Variants in GALM observed in about 807,000 individuals in gnomAD.
The protein encoded by GALM is galactose mutarotase, also known as aldose 1-epimerase.
A neutral mutation model predicts 37.4 loss-of-function variants in GALM; 43 were observed. The observed-to-expected ratio is 1.15, with a 90% CI of 0.90 to 1.48. The LOEUF is 1.48. Among genes scored for constraint, GALM ranks in the 40% most tolerant of loss-of-function variants. The probability of loss-of-function intolerance (pLI) is 0.00; values close to 1 mark genes in which losing one functional copy is unlikely to be tolerated. For missense variants in GALM, 456 were observed against 419.1 expected, an observed-to-expected ratio of 1.09 and a Z score of -0.77; for synonymous variants, 199 against 170.6, an observed-to-expected ratio of 1.17 and a Z score of -1.30.
chr2:38,731,630 G>T (rs889383845), intron 5 of GALM, 105 bp from the exon 6 acceptor site: 3 of 797,672 alleles, frequency 3.8e-6, no homozygotes, highest in African/African-American at 1.7e-5. Flanking sequence ...TCTTGTCCCT[G>T]CTCTGTGGCT....
chr2:38,698,340 G>A (rs1665850969), intron 4 of GALM: 3 of 1,285,386 alleles, frequency 2.3e-6, no homozygotes, highest in Non-Finnish European at 3.1e-6. Flanking sequence ...CTTGCTCACA[G>A]GTGCTTCTTT....
chr2:38,707,881 G>T (rs112285892), intron 4 of GALM, among the ~76,000 whole-genome samples: 2 of 152,054 alleles, frequency 1.3e-5, no homozygotes, highest in Non-Finnish European at 1.5e-5. Flanking sequence ...GCCGAGGTGG[G>T]TGGATCACTT....
intron 4 of GALM, among the ~76,000 whole-genome samples, chr2:38,727,607 G>C (rs748545785): frequency 1.3e-5 from 2 of 151,292 alleles, no homozygotes; most frequent in African/African-American, 2.4e-5. Flanking sequence ...CGTGCCTGTA[G>C]TCCCAGCTCC....
chr2:38,696,428 CTTTTCTTTTTT>C (rs1665806776), intron 4 of GALM, among the ~76,000 whole-genome samples: 1 of 142,460 alleles, frequency 7.0e-6, no homozygotes, highest in Non-Finnish European at 1.5e-5. Flanking sequence ...TTTTCTTTTT[CTTTTCTTTTTT>C]TTTTTTTTTT....
chr2:38,697,130 A>T (rs1665827488), intron 4 of GALM, among the ~76,000 whole-genome samples: 1 of 152,132 alleles, frequency 6.6e-6, no homozygotes, highest in Non-Finnish European at 1.5e-5. Flanking sequence ...ACAAGAAAAG[A>T]TAGTTAAACT....
intron 4 of GALM, among the ~76,000 whole-genome samples, chr2:38,702,986 G>A (rs1270561638): frequency 8.4e-6 from 1 of 118,934 alleles, no homozygotes; most frequent in African/African-American, 3.2e-5. Flanking sequence ...GCTGGGCATG[G>A]TGGGGTGTGC....
chr2:38,727,546 G>A (rs1179830790), intron 4 of GALM, among the ~76,000 whole-genome samples: 2 of 151,506 alleles, frequency 1.3e-5, no homozygotes, highest in African/African-American at 4.9e-5. Flanking sequence ...GGCCAATATG[G>A]TGAAACCCCG....
At chr2:38,712,606 G>A (rs1349524805) in intron 4 of GALM, among the ~76,000 whole-genome samples, 4 of 152,120 alleles carry the variant, frequency 2.6e-5, no homozygotes, top group African/African-American at 7.2e-5. Context: ...GTTAATCCCC[G>A]CAGATAGTTA....
intron 4 of GALM, among the ~76,000 whole-genome samples, chr2:38,717,357 G>A (rs1666289726): frequency 6.6e-6 from 1 of 151,648 alleles, no homozygotes; most frequent in Admixed American, 6.6e-5. Context: ...ATAAAAGAGA[G>A]TGAGAGAGTA....
intron 4 of GALM, among the ~76,000 whole-genome samples, chr2:38,693,202 G>T (rs891768072): frequency 1.3e-5 from 2 of 152,212 alleles, no homozygotes; most frequent in African/African-American, 4.8e-5. Context: ...GTTAGACCAG[G>T]TCGGGTGCAG....
chr2:38,671,882 T>G (rs1169299946), intron 1 of GALM, among the ~76,000 whole-genome samples: 1 of 151,786 alleles, frequency 6.6e-6, no homozygotes, highest in Non-Finnish European at 1.5e-5. Flanking sequence ...GTCCCAGCTA[T>G]TTGGGAGGCT....
chr2:38,721,547 T>G (rs181685050), intron 4 of GALM, among the ~76,000 whole-genome samples: 5 of 152,316 alleles, frequency 3.3e-5, no homozygotes, highest in Admixed American at 2.6e-4. Context: ...GAGCTCTCAC[T>G]CTGTCACCCA....
chr2:38,667,742 CAGG>C (rs1158206982), intron 1 of GALM, among the ~76,000 whole-genome samples: 1 of 151,938 alleles, frequency 6.6e-6, no homozygotes, highest in Non-Finnish European at 1.5e-5. Context: ...GAGGCTGAGG[CAGG>C]AGAATCACTT....
intron 1 of GALM, among the ~76,000 whole-genome samples, chr2:38,675,041 G>A (rs979132913): frequency 6.6e-6 from 1 of 152,048 alleles, no homozygotes; most frequent in African/African-American, 2.4e-5. Flanking sequence ...TTGGTGTGGT[G>A]GTGCATGCCT....
chr2:38,729,191 C>T (rs1037238623), intron 4 of GALM, among the ~76,000 whole-genome samples: 1 of 151,368 alleles, frequency 6.6e-6, no homozygotes, highest in East Asian at 1.9e-4. Context: ...TCCCCACCCT[C>T]TCCATATTTG....
chr2:38,695,239 C>T (rs1056928706), intron 4 of GALM, among the ~76,000 whole-genome samples: 26 of 152,136 alleles, frequency 1.7e-4, no homozygotes, highest in African/African-American at 5.8e-4. Context: ...CTTGGCAACA[C>T]AGTGAAACCC....
At chr2:38,695,320 A>T (rs1032821335) in intron 4 of GALM, among the ~76,000 whole-genome samples, 2 of 152,182 alleles carry the variant, frequency 1.3e-5, no homozygotes, top group African/African-American at 4.8e-5. Flanking sequence ...TTAAATAAAT[A>T]AATAAATAAA....
intron 6 of GALM, 141 bp from the exon 7 acceptor site, chr2:38,733,347 C>T: frequency 1.3e-6 from 1 of 746,530 alleles, no homozygotes; most frequent in Non-Finnish European, 2.4e-6. Flanking sequence ...CTTTATCTCA[C>T]TATGAACCAA....
intron 4 of GALM, among the ~76,000 whole-genome samples, chr2:38,707,068 A>T (rs1188937898): frequency 7.3e-6 from 1 of 137,224 alleles, no homozygotes; most frequent in Non-Finnish European, 1.6e-5. Flanking sequence ...GGCAGTAGAG[A>T]TGGGGATGTT....
Sources: allele counts gnomAD v4.1 joint callset (sites outside exome capture counted in the v4.1 genomes callset), GRCh38; gene constraint gnomAD v4.1.1; transcripts MANE v1.5; gene names NCBI Gene and HGNC (gene_info 2026-07-23, HGNC 2026-07-21).